Variants in NTRK3 observed in about 807,000 individuals in gnomAD.
NTRK3 encodes the protein NT-3 growth factor receptor.
A neutral mutation model predicts 91.7 loss-of-function variants in NTRK3; 24 were observed. The observed-to-expected ratio is 0.26, with a 90% CI of 0.19 to 0.37. NTRK3 has a LOEUF of 0.37. NTRK3 is among the 10% of genes least tolerant of loss of function. The probability of loss-of-function intolerance (pLI) is 1.00; values close to 1 mark genes in which losing one functional copy is unlikely to be tolerated. For missense variants in NTRK3, 880 were observed against 1,068.9 expected (o/e 0.82, Z 2.46); for synonymous variants, 483 against 404.0 (o/e 1.20, Z -2.34).
At chr15:88,195,226 T>C (rs149949251) in intron 3 of NTRK3, among the ~76,000 whole-genome samples, 329 of 152,226 alleles carry the variant, frequency 2.2e-3, no homozygotes, top group Middle Eastern at 0.01. Context: ...GAAATGATGC[T>C]CTAGATAACT....
At chr15:88,150,819 C>T (rs80100837) in intron 5 of NTRK3, among the ~76,000 whole-genome samples, 1,959 of 152,312 alleles carry the variant, frequency 0.013, 17 homozygotes, top group Non-Finnish European at 0.021. Flanking sequence ...GAGCATGCCT[C>T]TGGCCACCCT....
At chr15:88,124,022 T>C (rs2053019950) in intron 13 of NTRK3, among the ~76,000 whole-genome samples, 1 of 152,206 alleles carries the variant, frequency 6.6e-6, no homozygotes, top group African/African-American at 2.4e-5. Context: ...GATGCCCTTG[T>C]TGAGAAGAGG....
At chr15:88,182,857 G>A (rs533975033) in intron 5 of NTRK3, among the ~76,000 whole-genome samples, 12 of 152,198 alleles carry the variant, frequency 7.9e-5, no homozygotes, top group Middle Eastern at 3.4e-3. Flanking sequence ...GCACAGACAG[G>A]AACCCCCACC....
chr15:88,248,296 G>A (rs2141980898), intron 3 of NTRK3, among the ~76,000 whole-genome samples: 1 of 152,270 alleles, frequency 6.6e-6, no homozygotes, highest in Middle Eastern at 3.4e-3. Flanking sequence ...CAGGTCAGAA[G>A]GAGAGACCAA....
intron 13 of NTRK3, among the ~76,000 whole-genome samples, chr15:88,094,392 C>T (rs2049357874): frequency 6.7e-6 from 1 of 149,834 alleles, no homozygotes; most frequent in South Asian, 2.1e-4. Flanking sequence ...TGGCGTGAAC[C>T]CGGGAAGCGG....
intron 5 of NTRK3, among the ~76,000 whole-genome samples, chr15:88,182,895 C>G (rs559554948): frequency 6.6e-6 from 1 of 152,272 alleles, no homozygotes; most frequent in Non-Finnish European, 1.5e-5. Flanking sequence ...TAGCTTGTCC[C>G]AAACAAAGCT....
intron 13 of NTRK3, among the ~76,000 whole-genome samples, chr15:88,112,457 G>A (rs537329823): frequency 2.0e-5 from 3 of 152,246 alleles, no homozygotes; most frequent in East Asian, 1.9e-4. Context: ...CCCTAGAGTC[G>A]GGATGTGGTT....
In NTRK3 at chr15:87,912,621, G is replaced by GCTCTCT. The variant is rs112477797; in HGVS notation, c.2133+16564_2133+16569dup. Among the ~76,000 whole-genome samples the GCTCTCT allele has an allele frequency of 2.1e-4, 32 of 149,028 alleles. No individual in the cohort carries two copies. The East Asian group carries it at 4.2e-3, about 19-fold the overall frequency. Reference sequence around the variant, plus strand: ...AGGTGTGTGATCTTGAGGGACATCTGCTCTCTCTCTCTCTCTCTGGCTGGC... The same window carrying GCTCTCT: ...AGGTGTGTGATCTTGAGGGACATCTGCTCTCTCTCTCTCTCTCTCTCTCTGGCTGGC... On this transcript the variant is annotated intron_variant, in intron 17 of 18. Transcript: ENST00000394480.
chr15:88,149,903 G>A (rs959579914), intron 5 of NTRK3, among the ~76,000 whole-genome samples: 1 of 152,126 alleles, frequency 6.6e-6, no homozygotes, highest in African/African-American at 2.4e-5. Context: ...GCTCTATTTT[G>A]CCTGGTTTAC....
At chr15:87,869,236 T>C (rs1036843940) in exon 19 of NTRK3, 4 of 229,910 alleles carry the variant, frequency 1.7e-5, no homozygotes, top group South Asian at 1.8e-4. Context: ...CCTCTGCTCC[T>C]GGAGGCTAAA....
At chr15:88,190,189 C>T (rs949205281) in intron 3 of NTRK3, among the ~76,000 whole-genome samples, 1 of 152,210 alleles carries the variant, frequency 6.6e-6, no homozygotes, top group Non-Finnish European at 1.5e-5. Context: ...TGTCAGATTG[C>T]TGTTATCTTC....
chr15:88,080,442 T>A (rs148107964), intron 13 of NTRK3, among the ~76,000 whole-genome samples: 3 of 152,208 alleles, frequency 2.0e-5, no homozygotes, highest in Admixed American at 2.0e-4. Context: ...GTTTCTTTGA[T>A]CCCTACTTAA....
intron 13 of NTRK3, among the ~76,000 whole-genome samples, chr15:88,109,096 C>T (rs2051036670): frequency 6.6e-6 from 1 of 152,236 alleles, no homozygotes; most frequent in Non-Finnish European, 1.5e-5. Flanking sequence ...CTCCCCCAAT[C>T]CATGGGGAGT....
intron 10 of NTRK3, among the ~76,000 whole-genome samples, chr15:88,132,781 C>T (rs1282770917): frequency 6.6e-6 from 1 of 152,178 alleles, no homozygotes. Context: ...GGCATCGTTT[C>T]CCTGTCACTG....
chr15:87,875,995 C>A (rs2064936926), exon 19 of NTRK3: 1 of 232,398 alleles, frequency 4.3e-6, no homozygotes, highest in African/African-American at 2.2e-5. Flanking sequence ...TTCCCAGGGG[C>A]CTGAAAGTGG....
intron 6 of NTRK3, among the ~76,000 whole-genome samples, chr15:88,143,729 C>G (rs1222634164): frequency 6.6e-6 from 1 of 152,154 alleles, no homozygotes; most frequent in Non-Finnish European, 1.5e-5. Context: ...TTAGTGACGT[C>G]TCCAAGAACG....
chr15:87,950,585 G>GA (rs1414754363), intron 14 of NTRK3, among the ~76,000 whole-genome samples: 13 of 152,286 alleles, frequency 8.5e-5, no homozygotes, highest in African/African-American at 2.6e-4. Context: ...TCACACTCAA[G>GA]GACACATCCT....
chr15:88,221,104 C>T (rs1273743847), intron 3 of NTRK3, among the ~76,000 whole-genome samples: 1 of 152,220 alleles, frequency 6.6e-6, no homozygotes, highest in African/African-American at 2.4e-5. Flanking sequence ...TGGTGGACTT[C>T]ATGCGGATTA....
chr15:87,951,543 G>C (rs1195501321), intron 14 of NTRK3, among the ~76,000 whole-genome samples: 2 of 152,314 alleles, frequency 1.3e-5, no homozygotes, highest in East Asian at 3.9e-4. Flanking sequence ...GAAGAAGTCT[G>C]CTTACCCTCA....
Sources: gnomAD v4.1 joint callset for allele counts (sites outside exome capture counted in the v4.1 genomes callset) on GRCh38, gnomAD v4.1.1 for gene constraint, MANE v1.5 for transcripts, NCBI Gene and HGNC (gene_info 2026-07-23, HGNC 2026-07-21) for gene names.